Variants in MLLT3 observed in about 807,000 individuals in gnomAD.
The protein encoded by MLLT3 is protein AF-9.
Under a neutral mutation model 53.2 loss-of-function variants are expected in MLLT3, and 4 were observed. That is an observed-to-expected ratio of 0.08 (90% CI 0.04 to 0.17). MLLT3 has a LOEUF of 0.17. MLLT3 is among the 10% of genes least tolerant of loss of function. The pLI, the probability that MLLT3 is intolerant of heterozygous loss-of-function variation, is 1.00. For synonymous variants in MLLT3, 283 were observed against 230.6 expected (o/e 1.23, Z -2.06); for missense variants, 569 against 684.0 (o/e 0.83, Z 1.87).
At position 20,343,214 on chromosome 9, in the gene MLLT3, A is replaced by AAAAAAAAAAAAAAAAAAAAATTT. The variant is rs56934102; in HGVS notation, c.*3228_*3229insAAATTTTTTTTTTTTTTTTTTTT. 7 of 115,062 alleles carry AAAAAAAAAAAAAAAAAAAAATTT rather than the reference A, an allele frequency of 6.1e-5. 2 individuals carry two copies. The highest frequency in any genetic ancestry group is 4.7e-4 in the African/African-American group (7 of 14,932). 7.1% of individuals were successfully genotyped at this position (115,062 alleles called of 1,614,324 possible). A position where few individuals can be genotyped will look rare whatever the true frequency, so the allele number is the denominator to read the frequency against. On this transcript the variant is annotated 3_prime_UTR_variant, in exon 11 of 11. Coordinates refer to ENST00000380338, the MANE Select transcript of MLLT3 (RefSeq NM_004529.4). ...AAAAAAAAAAAAAAAAAAAAAAAAA[A>AAAAAAAAAAAAAAAAAAAAATTT]TTTTGAAGAAACTTTTTAGTGGAAG...
At chr9:20,590,917 T>TTA (rs1820112625) in intron 2 of MLLT3, among the ~76,000 whole-genome samples, 1 of 151,996 alleles carries the variant, frequency 6.6e-6, no homozygotes, top group Non-Finnish European at 1.5e-5. Context: ...TTTTTTTTTT[T>TTA]TTATTATTTG....
intron 8 of MLLT3, among the ~76,000 whole-genome samples, chr9:20,356,533 G>A (rs1365384708): frequency 6.6e-6 from 1 of 151,942 alleles, no homozygotes; most frequent in Non-Finnish European, 1.5e-5. Flanking sequence ...TGGGCATGCA[G>A]AGACAATCCG....
At chr9:20,537,064 G>A (rs772575932) in intron 2 of MLLT3, among the ~76,000 whole-genome samples, 1 of 152,142 alleles carries the variant, frequency 6.6e-6, no homozygotes, top group Non-Finnish European at 1.5e-5. Context: ...AACTATAGAT[G>A]GGAAGTCCCA....
intron 10 of MLLT3, among the ~76,000 whole-genome samples, chr9:20,350,602 G>A (rs3928819): frequency 0.36 from 48,867 of 136,566 alleles, 12,855 homozygotes; most frequent in East Asian, 0.7. Flanking sequence ...CTCAAAAAAA[G>A]AAAGAAAGAA....
At chr9:20,396,374 G>A (rs1822322065) in intron 5 of MLLT3, among the ~76,000 whole-genome samples, 1 of 152,042 alleles carries the variant, frequency 6.6e-6, no homozygotes, top group South Asian at 2.1e-4. Flanking sequence ...ACTACCCTTT[G>A]ATTCACACAA....
At chr9:20,377,945 G>A (rs937092424) in intron 5 of MLLT3, among the ~76,000 whole-genome samples, 5 of 151,960 alleles carry the variant, frequency 3.3e-5, no homozygotes, top group African/African-American at 1.2e-4. Context: ...TTCTCTACAA[G>A]CCTTATATCT....
intron 2 of MLLT3, among the ~76,000 whole-genome samples, chr9:20,513,043 G>A (rs180822065): frequency 7.9e-5 from 12 of 152,344 alleles, no homozygotes; most frequent in African/African-American, 2.9e-4. Context: ...ATTTGGTTTT[G>A]GGGGTATCTC....
At chr9:20,438,778 T>C (rs534708959) in intron 4 of MLLT3, among the ~76,000 whole-genome samples, 2 of 152,216 alleles carry the variant, frequency 1.3e-5, no homozygotes, top group East Asian at 1.9e-4. Context: ...CTTCTGTCTA[T>C]ATTACCCATA....
At chr9:20,600,007 C>T (rs1341118860) in intron 2 of MLLT3, among the ~76,000 whole-genome samples, 1 of 151,992 alleles carries the variant, frequency 6.6e-6, no homozygotes, top group Non-Finnish European at 1.5e-5. Flanking sequence ...TGCACTTATA[C>T]AGCCTTATAA....
intron 3 of MLLT3, among the ~76,000 whole-genome samples, chr9:20,455,705 A>C (rs1235202024): frequency 6.6e-6 from 1 of 152,220 alleles, no homozygotes; most frequent in African/African-American, 2.4e-5. Flanking sequence ...AGGAAAAATA[A>C]GGAATATGAT....
At chr9:20,598,983 C>G (rs574679807) in intron 2 of MLLT3, among the ~76,000 whole-genome samples, 1 of 152,162 alleles carries the variant, frequency 6.6e-6, no homozygotes, top group Non-Finnish European at 1.5e-5. Flanking sequence ...CAAATTTCCA[C>G]GTATCCAGAG....
chr9:20,356,904 C>A (rs1002412165), intron 8 of MLLT3, among the ~76,000 whole-genome samples: 1 of 152,202 alleles, frequency 6.6e-6, no homozygotes, highest in South Asian at 2.1e-4. Context: ...TGTCAGTGAC[C>A]CGCCTCAAGT....
At chr9:20,559,911 C>T (rs1421604387) in intron 2 of MLLT3, among the ~76,000 whole-genome samples, 1 of 152,152 alleles carries the variant, frequency 6.6e-6, no homozygotes, top group African/African-American at 2.4e-5. Context: ...ATGTTCTTAA[C>T]CCTACGTAAA....
intron 2 of MLLT3, among the ~76,000 whole-genome samples, chr9:20,586,275 G>A (rs984280328): frequency 1.3e-5 from 2 of 151,800 alleles, no homozygotes; most frequent in South Asian, 2.1e-4. Flanking sequence ...AACCATGATC[G>A]TGGCACTGTA....
At chr9:20,509,102 T>C (rs1777088295) in intron 2 of MLLT3, among the ~76,000 whole-genome samples, 3 of 152,310 alleles carry the variant, frequency 2.0e-5, no homozygotes, top group African/African-American at 7.2e-5. Flanking sequence ...ATATGATGTA[T>C]GTACAATGCC....
In MLLT3 at chr9:20,452,406, G is replaced by A. The variant is rs886317074; in HGVS notation, c.277-4140C>T. 5.9e-5 allele frequency among the ~76,000 whole-genome samples: 9 copies of A among 152,136 alleles called. 1 individual carries two copies. The South Asian group carries it at 6.2e-4, about 11-fold the overall frequency. On this transcript the variant is annotated intron_variant, in intron 3 of 10. Coordinates refer to ENST00000380338, the MANE Select transcript of MLLT3 (RefSeq NM_004529.4). ...CTCCTGCCACCTTGTGAAGAAAGACGTGTTTGCTTCCCCTTCTGCTATGAC... is the reference window on the plus strand; with the variant it reads ...CTCCTGCCACCTTGTGAAGAAAGACATGTTTGCTTCCCCTTCTGCTATGAC...
chr9:20,618,801 C>T (rs147757517), intron 2 of MLLT3, among the ~76,000 whole-genome samples: 9 of 152,126 alleles, frequency 5.9e-5, no homozygotes, highest in Middle Eastern at 3.4e-3. Flanking sequence ...TGCACACATC[C>T]ACTGAAGCAG....
intron 2 of MLLT3, among the ~76,000 whole-genome samples, chr9:20,558,609 T>C (rs1819122537): frequency 6.6e-6 from 1 of 152,186 alleles, no homozygotes; most frequent in Admixed American, 6.5e-5. Context: ...GCTGAGATAT[T>C]TGTGTGAAAT....
intron 4 of MLLT3, among the ~76,000 whole-genome samples, chr9:20,445,585 C>T (rs951715906): frequency 5.9e-5 from 9 of 152,272 alleles, no homozygotes; most frequent in African/African-American, 2.2e-4. Flanking sequence ...GCTCCCAGCT[C>T]TAAAAACAAC....
Sources: gnomAD v4.1 joint callset for allele counts (sites outside exome capture counted in the v4.1 genomes callset) on GRCh38, gnomAD v4.1.1 for gene constraint, MANE v1.5 for transcripts, NCBI Gene and HGNC (gene_info 2026-07-23, HGNC 2026-07-21) for gene names.